Variants in EYA4 observed in about 807,000 individuals in gnomAD.
EYA4 encodes protein phosphatase EYA4.
In EYA4, 31 loss-of-function variants were observed where a neutral mutation model predicts 87.9. The ratio of observed to expected loss-of-function variants is 0.35; its 90% CI spans 0.27 to 0.48. The LOEUF (loss-of-function observed/expected upper bound fraction) is 0.48, where lower values mean the gene tolerates loss of function less well. Ranked by LOEUF, EYA4 falls within the 20% of genes least tolerant of loss-of-function variation. EYA4 has a pLI of 0.99. For missense variants in EYA4, 678 were observed against 761.4 expected, an observed-to-expected ratio of 0.89 and a Z score of 1.29; for synonymous variants, 263 against 270.6, an observed-to-expected ratio of 0.97 and a Z score of 0.28.
chr6:133,259,334 G>A (rs946983768), intron 1 of EYA4, among the ~76,000 whole-genome samples: 1 of 152,182 alleles, frequency 6.6e-6, no homozygotes, highest in African/African-American at 2.4e-5. Context: ...AGGACACATA[G>A]CAGGGAAGCA....
intron 17 of EYA4, among the ~76,000 whole-genome samples, chr6:133,518,696 C>A (rs1349962608): frequency 6.6e-6 from 1 of 152,160 alleles, no homozygotes; most frequent in African/African-American, 2.4e-5. Flanking sequence ...CTAAAAAATT[C>A]TGGTGCATCC....
chr6:133,259,082 A>G (rs984098681), intron 1 of EYA4, among the ~76,000 whole-genome samples: 1 of 152,226 alleles, frequency 6.6e-6, no homozygotes, highest in Non-Finnish European at 1.5e-5. Context: ...TTTAAAAATA[A>G]TGATGCACTA....
intron 3 of EYA4, among the ~76,000 whole-genome samples, chr6:133,397,958 A>T (rs1787941872): frequency 6.6e-6 from 1 of 152,168 alleles, no homozygotes; most frequent in African/African-American, 2.4e-5. Context: ...TAAGATTTGG[A>T]TGGGGACACA....
chr6:133,357,914 AT>A (rs1784188518), intron 2 of EYA4, among the ~76,000 whole-genome samples: 1 of 151,702 alleles, frequency 6.6e-6, no homozygotes, highest in South Asian at 2.1e-4. Flanking sequence ...AAAATTATAT[AT>A]AATATGAAAT....
chr6:133,510,286 T>C, intron 14 of EYA4: 1 of 153,388 alleles, frequency 6.5e-6, no homozygotes, highest in Non-Finnish European at 1.5e-5. Flanking sequence ...CATTAATTTA[T>C]TATAAAAGAG....
chr6:133,476,633 C>T (rs914677652), intron 11 of EYA4, among the ~76,000 whole-genome samples: 1 of 152,038 alleles, frequency 6.6e-6, no homozygotes, highest in African/African-American at 2.4e-5. Context: ...TACCACATTT[C>T]CTTTGTCCGT....
At chr6:133,518,733 C>G (rs1799831213) in intron 17 of EYA4, among the ~76,000 whole-genome samples, 1 of 151,962 alleles carries the variant, frequency 6.6e-6, no homozygotes, top group Admixed American at 6.6e-5. Context: ...CAAAATTGAC[C>G]ACATACTTGG....
At chr6:133,317,384 A>G (rs1361554336) in intron 2 of EYA4, among the ~76,000 whole-genome samples, 1 of 152,222 alleles carries the variant, frequency 6.6e-6, no homozygotes, top group East Asian at 1.9e-4. Flanking sequence ...TTGAGTTTTC[A>G]GTAACAAACC....
At chr6:133,334,529 A>G (rs1217216075) in intron 2 of EYA4, among the ~76,000 whole-genome samples, 1 of 152,194 alleles carries the variant, frequency 6.6e-6, no homozygotes, top group Non-Finnish European at 1.5e-5. Context: ...CTCTACCTGA[A>G]TGTATTTTCC....
At chr6:133,276,275 G>T (rs1378164144) in intron 2 of EYA4, among the ~76,000 whole-genome samples, 2 of 152,206 alleles carry the variant, frequency 1.3e-5, no homozygotes, top group South Asian at 2.1e-4. Context: ...AGTGACCAAC[G>T]TTTTTTTGTT....
chr6:133,343,555 A>G (rs1008469075), intron 2 of EYA4, among the ~76,000 whole-genome samples: 5 of 128,774 alleles, frequency 3.9e-5, no homozygotes, highest in Non-Finnish European at 8.4e-5. Flanking sequence ...CACCACCAGC[A>G]CCCCCGCCAC....
intron 3 of EYA4, among the ~76,000 whole-genome samples, chr6:133,391,380 C>T (rs1385615918): frequency 6.6e-6 from 1 of 151,868 alleles, no homozygotes; most frequent in Non-Finnish European, 1.5e-5. Context: ...CAGGCATGCA[C>T]CTAAGCAAAG....
Position 133,382,558 on chromosome 6 carries a change from T to C in EYA4, c.83+117T>C, listed in dbSNP as rs1279593649. 6.2e-6 allele frequency: 5 copies of C among 803,650 alleles called. No homozygotes were observed. The African/African-American group carries it at 8.4e-5, about 14-fold the overall frequency. 49.8% of individuals were successfully genotyped at this position (803,650 alleles called of 1,614,324 possible). On this transcript the variant is annotated intron_variant, in intron 3 of 19. Coordinates refer to ENST00000355286, the MANE Select transcript of EYA4 (RefSeq NM_004100.5). ...GAAACATTGAGCTTCTTGAAGAACT[T>C]ATCTTGATGGAAACTGTATATCATG...
At chr6:133,343,702 T>G (rs1177110504) in intron 2 of EYA4, among the ~76,000 whole-genome samples, 1 of 151,816 alleles carries the variant, frequency 6.6e-6, no homozygotes, top group Non-Finnish European at 1.5e-5. Flanking sequence ...ATTTACAAAG[T>G]GTTTACATAT....
chr6:133,341,379 T>C (rs555254697), intron 2 of EYA4, among the ~76,000 whole-genome samples: 5 of 152,344 alleles, frequency 3.3e-5, no homozygotes, highest in African/African-American at 1.2e-4. Context: ...AGTGGATACC[T>C]ACCATGTTCC....
intron 13 of EYA4, among the ~76,000 whole-genome samples, chr6:133,484,963 A>G (rs1237945662): frequency 6.6e-6 from 1 of 152,170 alleles, no homozygotes; most frequent in African/African-American, 2.4e-5. Context: ...TTAAAAATAG[A>G]AAGATCATTC....
chr6:133,267,260 T>A (rs1219605668), intron 1 of EYA4, among the ~76,000 whole-genome samples: 1 of 152,134 alleles, frequency 6.6e-6, no homozygotes, highest in East Asian at 1.9e-4. Context: ...TTTATCAAAT[T>A]TTTTTTAGTG....
At chr6:133,350,686 T>A (rs1181266088) in intron 2 of EYA4, among the ~76,000 whole-genome samples, 1 of 152,146 alleles carries the variant, frequency 6.6e-6, no homozygotes, top group Non-Finnish European at 1.5e-5. Context: ...TTGCTCTCTG[T>A]ATCTTTTTCG....
At position 133,304,350 on chromosome 6, in the gene EYA4, G is replaced by A. The variant is rs542602767; in HGVS notation, c.33+29537G>A. 1.7e-3 allele frequency among the ~76,000 whole-genome samples: 263 copies of A among 152,186 alleles called. 2 individuals are homozygous for A. The highest frequency in any genetic ancestry group is 3.4e-3 in the Middle Eastern group (1 of 294). On this transcript the variant is annotated intron_variant, in intron 2 of 19. Coordinates refer to ENST00000355286, the MANE Select transcript of EYA4 (RefSeq NM_004100.5). ...CGGATTCTCTGGAGTCTAGAGGAGGGCACCCCACTCTGTTTCAGGAAGATG... is the reference window on the plus strand; with the variant it reads ...CGGATTCTCTGGAGTCTAGAGGAGGACACCCCACTCTGTTTCAGGAAGATG...
Sources: allele counts gnomAD v4.1 joint callset (sites outside exome capture counted in the v4.1 genomes callset), GRCh38; gene constraint gnomAD v4.1.1; transcripts MANE v1.5; gene names NCBI Gene and HGNC (gene_info 2026-07-23, HGNC 2026-07-21).